The following MICU1 variants were observed in gnomAD, a reference collection of about 807,000 sequenced individuals.
The protein encoded by MICU1 is mitochondrial calcium uptake 1.
MICU1 carries 45 observed loss-of-function variants against 56.8 expected under a neutral mutation model. That is an observed-to-expected ratio of 0.79 (90% CI 0.62 to 1.02). The LOEUF (loss-of-function observed/expected upper bound fraction) is 1.02. Ranked by LOEUF, MICU1 falls within the 50% of genes least tolerant of loss-of-function variation. The pLI is 0.00. For synonymous variants in MICU1, 186 were observed against 195.1 expected (o/e 0.95, Z 0.39); for missense variants, 504 against 587.1 (o/e 0.86, Z 1.46).
chr10:72,586,013 C>CTTTTTTTTTTTTTTTTTTTTTTTTT (rs71021511), intron 1 of MICU1, among the ~76,000 whole-genome samples: 1 of 74,682 alleles, frequency 1.3e-5, no homozygotes, highest in Non-Finnish European at 2.3e-5. Context: ...TTTTTTTTTT[C>CTTTTTTTTTTTTTTTTTTTTTTTTT]TTTTTTTTTT....
intron 9 of MICU1, among the ~76,000 whole-genome samples, chr10:72,418,025 GGAA>G (rs1267604815): frequency 6.6e-6 from 1 of 152,180 alleles, no homozygotes; most frequent in Non-Finnish European, 1.5e-5. Context: ...CATGGCAGCA[GGAA>G]GAAGAATGAG....
chr10:72,592,261 C>G (rs1841248874), intron 1 of MICU1, among the ~76,000 whole-genome samples: 1 of 151,966 alleles, frequency 6.6e-6, no homozygotes, highest in South Asian at 2.1e-4. Flanking sequence ...CCTGCCACAG[C>G]CTCCCAAAGT....
At chr10:72,387,756 G>GAGTA (rs56711585) in intron 10 of MICU1, among the ~76,000 whole-genome samples, 148,722 of 149,172 alleles carry the variant, frequency 1, 74,143 homozygotes, top group Non-Finnish European at 1. Flanking sequence ...AGAGAACAAA[G>GAGTA]AGCCTTATCT....
intron 2 of MICU1, among the ~76,000 whole-genome samples, chr10:72,563,767 T>C (rs1840356652): frequency 6.6e-6 from 1 of 152,166 alleles, no homozygotes; most frequent in Non-Finnish European, 1.5e-5. Flanking sequence ...GATGAGCCCT[T>C]CCAGTACAAA....
At chr10:72,496,188 C>T (rs1052504352) in intron 6 of MICU1, among the ~76,000 whole-genome samples, 1 of 152,066 alleles carries the variant, frequency 6.6e-6, no homozygotes, top group African/African-American at 2.4e-5. Context: ...AGTGCAGTGG[C>T]ACAATCTCGG....
intron 1 of MICU1, among the ~76,000 whole-genome samples, chr10:72,593,332 G>A (rs917705689): frequency 7.2e-5 from 11 of 151,946 alleles, no homozygotes; most frequent in Admixed American, 7.2e-4. Context: ...AGGCGTGGTG[G>A]CACACACCTG....
chr10:72,408,132 C>A, intron 9 of MICU1, 95 bp from the exon 10 acceptor site: 2 of 712,904 alleles, frequency 2.8e-6, no homozygotes, highest in Admixed American at 2.6e-5. Flanking sequence ...ATCAGAAATT[C>A]ATGCTCATGT....
At chr10:72,447,488 T>C (rs1023692110) in intron 8 of MICU1, among the ~76,000 whole-genome samples, 42 of 152,162 alleles carry the variant, frequency 2.8e-4, no homozygotes, top group African/African-American at 1.0e-3. Context: ...AGACTGACTG[T>C]AAGTATACAT....
intron 5 of MICU1, among the ~76,000 whole-genome samples, chr10:72,520,809 G>A (rs763700597): frequency 2.6e-5 from 4 of 152,062 alleles, no homozygotes; most frequent in Admixed American, 6.6e-5. Flanking sequence ...TTAAGGAAAC[G>A]ATACAACTTT....
chr10:72,413,125 A>C (rs11815027), intron 9 of MICU1, among the ~76,000 whole-genome samples: 3 of 151,964 alleles, frequency 2.0e-5, no homozygotes, highest in Non-Finnish European at 4.4e-5. Context: ...TGAACCCAGG[A>C]GGTGGAGGTT....
intron 4 of MICU1, among the ~76,000 whole-genome samples, chr10:72,535,538 T>A (rs1219782494): frequency 6.6e-6 from 1 of 152,132 alleles, no homozygotes; most frequent in Admixed American, 6.5e-5. Flanking sequence ...GCAGAAACTT[T>A]CTCATAACTA....
chr10:72,412,420 AC>A (rs1863845373), intron 9 of MICU1, among the ~76,000 whole-genome samples: 1 of 152,200 alleles, frequency 6.6e-6, no homozygotes, highest in Non-Finnish European at 1.5e-5. Flanking sequence ...ACTTATATAA[AC>A]CGGGCTCTAG....
rs369765436 is a variant in MICU1, at chr10:72,626,041, G to T, written c.-33C>A. On this transcript the variant is annotated 5_prime_UTR_variant, in exon 1 of 12. Coordinates refer to ENST00000361114, the MANE Select transcript of MICU1 (RefSeq NM_001195518.2). ...AAACACGAGCTCCAGCAGCCTCTCG[G>T]TCAAAGCCGCCCACCTCTGACAGCC... is the stretch of plus-strand genomic sequence containing the variant. 6.5e-6 allele frequency: 1 copy of T among 152,896 alleles called. No individual in the cohort carries two copies. Among genetic ancestry groups the T allele is most frequent in the Non-Finnish European group, 1.5e-5 (1 of 68,522 alleles). The allele number at this position is 152,896 out of a possible 1,614,324, so 9.5% of individuals were successfully genotyped here.
intron 4 of MICU1, among the ~76,000 whole-genome samples, chr10:72,544,505 G>A (rs1241210373): frequency 6.6e-6 from 1 of 152,130 alleles, no homozygotes; most frequent in Non-Finnish European, 1.5e-5. Flanking sequence ...GTTGGATATG[G>A]TGGAAAGAAA....
intron 1 of MICU1, among the ~76,000 whole-genome samples, chr10:72,596,372 AG>A (rs200629441): frequency 0.025 from 3,810 of 152,068 alleles, 165 homozygotes; most frequent in African/African-American, 0.088. Context: ...CGGGAGGTCA[AG>A]GCTACAGGGA....
At chr10:72,465,879 C>T (rs182407879) in intron 8 of MICU1, among the ~76,000 whole-genome samples, 1 of 152,246 alleles carries the variant, frequency 6.6e-6, no homozygotes, top group African/African-American at 2.4e-5. Context: ...TTATCACACA[C>T]TGTGTCTATA....
chr10:72,614,504 G>A, intron 1 of MICU1, among the ~76,000 whole-genome samples: 1 of 152,210 alleles, frequency 6.6e-6, no homozygotes, highest in East Asian at 1.9e-4. Flanking sequence ...TGGATAAAAT[G>A]TGACACATAC....
rs759029340 is a variant in MICU1 at position 72,423,385 on chromosome 10, A to T, written c.934-14T>A. 7 of 1,612,790 alleles carry T rather than the reference A, an allele frequency of 4.3e-6. No individual in the cohort carries two copies. Among genetic ancestry groups the T allele is most frequent in the Non-Finnish European group, 5.1e-6 (6 of 1,179,422 alleles). ...ATGGCGTTCAAACTGGGAGGGAAAC[A>T]GAAAGAATGTTCCTAGGGTCAATGG... On this transcript the variant is annotated splice_polypyrimidine_tract_variant and intron_variant, in intron 8 of 11. Transcript: ENST00000361114.
At position 72,568,584 on chromosome 10, in the gene MICU1, C is replaced by T. The variant is rs1840504673; in HGVS notation, c.-1-1790G>A. Among the ~76,000 whole-genome samples the T allele has an allele frequency of 3.3e-5, 5 of 151,964 alleles. No homozygotes were observed. The South Asian group carries it at 1.0e-3, about 32-fold the overall frequency. ...GAACAGACTTCAGCCTGGAATAAAC[C>T]ACTGTCAAGCCCAGCTGAGCCAGCT... On this transcript the variant is annotated intron_variant, in intron 1 of 11. Coordinates refer to ENST00000361114, the MANE Select transcript of MICU1 (RefSeq NM_001195518.2).
Sources: gnomAD v4.1 joint callset for allele counts (sites outside exome capture counted in the v4.1 genomes callset) on GRCh38, gnomAD v4.1.1 for gene constraint, MANE v1.5 for transcripts, NCBI Gene and HGNC (gene_info 2026-07-23, HGNC 2026-07-21) for gene names.